The following NFIL3 variants were observed in gnomAD, a reference collection of about 807,000 sequenced individuals.
NFIL3 encodes the protein nuclear factor interleukin-3-regulated protein.
Under a neutral mutation model 10.0 loss-of-function variants are expected in NFIL3, and 5 were observed. That is an observed-to-expected ratio of 0.50 (90% CI 0.26 to 1.06). The LOEUF (loss-of-function observed/expected upper bound fraction) is 1.06, where lower values mean the gene tolerates loss of function less well. Ranked by LOEUF, NFIL3 falls within the 50% of genes least tolerant of loss-of-function variation. The pLI, the probability that NFIL3 is intolerant of heterozygous loss-of-function variation, is 0.13. For missense variants in NFIL3, 436 were observed against 547.6 expected, an observed-to-expected ratio of 0.80 and a Z score of 2.03; for synonymous variants, 202 against 206.5, an observed-to-expected ratio of 0.98 and a Z score of 0.19.
the NFIL3 span, among the ~76,000 whole-genome samples, chr9:91,438,435 AT>A: frequency 0.03 from 4,505 of 152,002 alleles, 93 homozygotes; most frequent in East Asian, 0.092. Context: ...AGGGTATACA[AT>A]TTTTTTTCCC....
At chr9:91,416,884 C>A (rs1833667705) in intron 1 of NFIL3, among the ~76,000 whole-genome samples, 1 of 152,118 alleles carries the variant, frequency 6.6e-6, no homozygotes, top group Admixed American at 6.5e-5. Flanking sequence ...AAGAATATAA[C>A]CTCATAACAA....
the NFIL3 span, among the ~76,000 whole-genome samples, chr9:91,434,169 C>T: frequency 2.6e-5 from 4 of 152,142 alleles, no homozygotes; most frequent in African/African-American, 4.8e-5. Context: ...AATAGAAGCA[C>T]TTTGGGAGGC....
the NFIL3 span, among the ~76,000 whole-genome samples, chr9:91,440,464 A>G: frequency 1.3e-5 from 2 of 151,940 alleles, no homozygotes; most frequent in African/African-American, 4.8e-5. Flanking sequence ...ACTCAGTTTT[A>G]CCAATTTTTT....
chr9:91,476,737 T>C, the NFIL3 span, among the ~76,000 whole-genome samples: 1 of 152,202 alleles, frequency 6.6e-6, no homozygotes, highest in African/African-American at 2.4e-5. Context: ...CAACATTTCT[T>C]ACTGAATATC....
chr9:91,451,275 C>T, the NFIL3 span, among the ~76,000 whole-genome samples: 1 of 152,172 alleles, frequency 6.6e-6, no homozygotes, highest in Non-Finnish European at 1.5e-5. Flanking sequence ...TCCTCTATCT[C>T]TTCATATACA....
At chr9:91,419,909 T>G (rs937817788) in intron 1 of NFIL3, among the ~76,000 whole-genome samples, 4 of 152,190 alleles carry the variant, frequency 2.6e-5, no homozygotes, top group African/African-American at 2.4e-5. Context: ...GGCCTTAGTT[T>G]TCAGGCTACA....
chr9:91,413,582 G>GT (rs993763272), intron 1 of NFIL3, among the ~76,000 whole-genome samples: 30 of 152,186 alleles, frequency 2.0e-4, no homozygotes, highest in African/African-American at 5.5e-4. Flanking sequence ...TTGCATTTAG[G>GT]TTTTGTCCTC....
the NFIL3 span, among the ~76,000 whole-genome samples, chr9:91,446,348 C>G: frequency 1.3e-5 from 2 of 152,200 alleles, no homozygotes; most frequent in African/African-American, 4.8e-5. Flanking sequence ...TGCTCCTTTT[C>G]TCTTCTCTAG....
chr9:91,447,966 G>T, the NFIL3 span, among the ~76,000 whole-genome samples: 5 of 152,130 alleles, frequency 3.3e-5, no homozygotes, highest in Non-Finnish European at 7.4e-5. Context: ...TTATGGTTTA[G>T]CTCTCATAAT....
chr9:91,453,780 A>G, the NFIL3 span, among the ~76,000 whole-genome samples: 3 of 152,124 alleles, frequency 2.0e-5, no homozygotes, highest in Non-Finnish European at 4.4e-5. Context: ...AACATTAAAA[A>G]TAGCCACAAA....
At chr9:91,480,237 A>G in the NFIL3 span, among the ~76,000 whole-genome samples, 1 of 149,930 alleles carries the variant, frequency 6.7e-6, no homozygotes, top group Non-Finnish European at 1.5e-5. Context: ...CATTCTTTTT[A>G]AACAGTAAAT....
At chr9:91,471,167 C>T in the NFIL3 span, among the ~76,000 whole-genome samples, 5 of 152,100 alleles carry the variant, frequency 3.3e-5, no homozygotes, top group South Asian at 2.1e-4. Flanking sequence ...GTCTCTTTGT[C>T]GGTCTCTAAG....
At chr9:91,443,857 C>T in the NFIL3 span, among the ~76,000 whole-genome samples, 9 of 152,208 alleles carry the variant, frequency 5.9e-5, no homozygotes, top group East Asian at 1.9e-4. Context: ...GCTCAAGACA[C>T]GCTGCAGCTG....
chr9:91,479,383 G>C, the NFIL3 span, among the ~76,000 whole-genome samples: 1 of 152,204 alleles, frequency 6.6e-6, no homozygotes, highest in Non-Finnish European at 1.5e-5. Context: ...TGCTACAGAG[G>C]CTTTGCCGAG....
chr9:91,474,337 T>C, the NFIL3 span, among the ~76,000 whole-genome samples: 1 of 152,140 alleles, frequency 6.6e-6, no homozygotes, highest in Admixed American at 6.5e-5. Context: ...TATTATTTGA[T>C]TTGATTTTCT....
chr9:91,429,332 ATGGT>A, the NFIL3 span, among the ~76,000 whole-genome samples: 1 of 152,126 alleles, frequency 6.6e-6, no homozygotes, highest in East Asian at 1.9e-4. Flanking sequence ...AGCCAACCAG[ATGGT>A]TGGCCACGTT....
chr9:91,444,636 G>C, the NFIL3 span, among the ~76,000 whole-genome samples: 1 of 152,150 alleles, frequency 6.6e-6, no homozygotes, highest in African/African-American at 2.4e-5. Flanking sequence ...TGGGCAGGGC[G>C]TGATGGGTCT....
chr9:91,420,613 T>A (rs1833744324), intron 1 of NFIL3, among the ~76,000 whole-genome samples: 1 of 152,162 alleles, frequency 6.6e-6, no homozygotes, highest in Non-Finnish European at 1.5e-5. Flanking sequence ...AACTACTGCC[T>A]GTAACAGGAG....
At chr9:91,459,096 G>A in the NFIL3 span, among the ~76,000 whole-genome samples, 1 of 152,158 alleles carries the variant, frequency 6.6e-6, no homozygotes, top group East Asian at 1.9e-4. Context: ...GTGCCCATGT[G>A]GGCTGTTAGT....
Sources: gnomAD v4.1 joint callset for allele counts (sites outside exome capture counted in the v4.1 genomes callset) on GRCh38, gnomAD v4.1.1 for gene constraint, MANE v1.5 for transcripts, NCBI Gene and HGNC (gene_info 2026-07-23, HGNC 2026-07-21) for gene names.